TARBP1: variants seen among roughly 807,000 people sequenced by gnomAD.
TARBP1 encodes tRNA (guanosine(18)-2'-O)-methyltransferase TARBP1.
A neutral mutation model predicts 178.6 loss-of-function variants in TARBP1; 144 were observed. That is an observed-to-expected ratio of 0.81 (90% CI 0.70 to 0.93). The LOEUF (loss-of-function observed/expected upper bound fraction) is 0.93. Among genes scored for constraint, TARBP1 ranks in the 40% least tolerant of loss-of-function variants. The pLI, the probability that TARBP1 is intolerant of heterozygous loss-of-function variation, is 0.00. For missense variants in TARBP1, 2,067 were observed against 2,011.7 expected (o/e 1.03, Z -0.53); for synonymous variants, 787 against 781.0 (o/e 1.01, Z -0.13).
At position 234,451,766 on chromosome 1, in the gene TARBP1, A is replaced by AAAAAAC. The variant is rs57636903; in HGVS notation, c.1723-1201_1723-1200insGTTTTT. On this transcript the variant is annotated intron_variant, in intron 9 of 29. Transcript: ENST00000040877. Reference sequence around the variant, plus strand: ...TCCGTCTCAAAAAAAAAAAAAAAAAATGATGAATGACTGGATCATCGAAGT... The same window carrying AAAAAAC: ...TCCGTCTCAAAAAAAAAAAAAAAAAAAAAAACTGATGAATGACTGGATCATCGAAGT... Among the ~76,000 whole-genome samples the AAAAAAC allele has an allele frequency of 8.7e-4, 15 of 17,176 alleles. 6 individuals are homozygous for AAAAAAC. Among genetic ancestry groups the AAAAAAC allele is most frequent in the South Asian group, 0.013 (2 of 156 alleles). 11.3% of individuals were successfully genotyped at this position (17,176 alleles called of 152,430 possible).
In TARBP1 at chr1:234,467,488, C is replaced by A; in HGVS notation, c.1248+14G>T. On this transcript the variant is annotated intron_variant, in intron 4 of 29. Transcript: ENST00000040877. ...TCAACAATGGGAGCAAGGAAGGGGA[C>A]AGGGTGTCATTACCTCAGAAAATTC... 1.3e-6 allele frequency: 2 copies of A among 1,567,564 alleles called. No individual in the cohort carries two copies. The highest frequency in any genetic ancestry group is 1.2e-5 in the South Asian group (1 of 82,330).
intron 13 of TARBP1, among the ~76,000 whole-genome samples, chr1:234,435,818 G>A (rs1371939985): frequency 6.6e-6 from 1 of 152,124 alleles, no homozygotes; most frequent in South Asian, 2.1e-4. Context: ...CGCAAAGACC[G>A]AAGATCATAT....
intron 11 of TARBP1, among the ~76,000 whole-genome samples, chr1:234,447,474 G>A (rs1666313002): frequency 1.4e-5 from 2 of 141,106 alleles, no homozygotes; most frequent in Non-Finnish European, 3.0e-5. Flanking sequence ...AGCTCACTGT[G>A]GGCTCAACCT....
At chr1:234,426,985 A>AC (rs1663849823) in intron 19 of TARBP1, among the ~76,000 whole-genome samples, 1 of 152,224 alleles carries the variant, frequency 6.6e-6, no homozygotes, top group African/African-American at 2.4e-5. Context: ...CAAAAAAAGG[A>AC]CTGGAGAATA....
chr1:234,430,338 C>T (rs1350644608), intron 14 of TARBP1, 37 bp from the exon 15 acceptor site: 2 of 1,587,756 alleles, frequency 1.3e-6, no homozygotes, highest in Non-Finnish European at 1.7e-6. Flanking sequence ...ATTTAATATG[C>T]ACAAGTCTTA....
At chr1:234,402,181 C>T (rs1660739547) in intron 24 of TARBP1, among the ~76,000 whole-genome samples, 1 of 152,236 alleles carries the variant, frequency 6.6e-6, no homozygotes, top group African/African-American at 2.4e-5. Flanking sequence ...TATTAGGTAG[C>T]TGTTAAAAGA....
chr1:234,402,587 T>G (rs1015953591), intron 24 of TARBP1, among the ~76,000 whole-genome samples: 13 of 151,914 alleles, frequency 8.6e-5, no homozygotes, highest in Admixed American at 3.3e-4. Flanking sequence ...TTGTTTGTTT[T>G]TTTTTTGAGA....
rs1572180551 is a variant in TARBP1, at chr1:234,391,706, C to T, written c.4737G>A (p.Gln1579=). The T allele has an allele frequency of 2.5e-6, 4 of 1,613,604 alleles. No individual in the cohort carries two copies. In the African/African-American group the frequency reaches 5.3e-5, roughly 22 times the overall value. The change falls in exon 30 of 30, where the codon CAG becomes CAA. Residue 1579 remains glutamine, a synonymous_variant. Transcript: ENST00000040877. ...GAGGAATTTCCACACAAACGTCCAACTGTTGGATCAGATTTGCTGGAATTC... is the reference window on the plus strand; with the variant it reads ...GAGGAATTTCCACACAAACGTCCAATTGTTGGATCAGATTTGCTGGAATTC... ...REGIPANLIQ[Q]LDVCVEIPQQ...
chr1:234,444,283 T>C (rs115445830), intron 12 of TARBP1, among the ~76,000 whole-genome samples: 3,567 of 152,276 alleles, frequency 0.023, 56 homozygotes, highest in South Asian at 0.063. Flanking sequence ...AGAAGCAGTA[T>C]ACTGAAGGCT....
chr1:234,478,460 GC>G lies in TARBP1; in HGVS notation c.643del (p.Ala215ProfsTer12). 7.2e-7 allele frequency: 1 copy of G among 1,383,258 alleles called. No homozygotes were observed. Among genetic ancestry groups the G allele is most frequent in the Admixed American group, 2.8e-5 (1 of 35,656 alleles). The allele number at this position is 1,383,258 out of a possible 1,614,324, so 85.7% of individuals were successfully genotyped here. ...AALRAVWGGL[A>X]APGASLGSGR... is the part of the protein sequence containing the mutation. ...GGACCCCAGGGACGCCCCAGGCGCG[GC>G]CAGCCCGCCCCACACGGCCCGCAGC... On this transcript the variant is annotated frameshift_variant, in exon 1 of 30. Transcript: ENST00000040877. LOFTEE classifies it high-confidence loss of function.
chr1:234,446,888 C>T lies in TARBP1; in HGVS notation c.2049G>A (p.Met683Ile). Residue 683 changes from methionine to isoleucine, a missense_variant, in exon 12 of 30, where the codon ATG (methionine) becomes ATA (isoleucine). Met to Ile is a conservative substitution (Grantham distance 10, BLOSUM62 1). Coordinates refer to ENST00000040877, the MANE Select transcript of TARBP1 (RefSeq NM_005646.4). ...VLMKFSTNAY[M>I]PLLKTDRCLQ... ...GGCATCTGTCAGTCTTCAGCAAGGG[C>T]ATGTAGGCATTGGTACTAAACTTCA... The T allele has an allele frequency of 2.0e-5, 32 of 1,614,014 alleles. No individual in the cohort carries two copies. Among genetic ancestry groups the T allele is most frequent in the Non-Finnish European group, 2.7e-5 (32 of 1,179,980 alleles).
In TARBP1 at chr1:234,459,293, C is replaced by T; in HGVS notation, c.1569G>A (p.Gln523=). 6.2e-7 allele frequency: 1 copy of T among 1,613,430 alleles called. No individual in the cohort carries two copies. The highest frequency in any genetic ancestry group is 1.1e-5 in the South Asian group (1 of 90,900). ...DVIHCTMITH[Q]ILLRGAAQCY... The stretch of plus-strand genomic sequence containing the variant: ...ATTGGGCTGCCCCTCTCAGGAGAAT[C>T]TGATGTGTGATCATAGTGCAATGAA... Residue 523 remains glutamine (Q), a synonymous_variant, in exon 8 of 30, where the codon CAG becomes CAA. Transcript: ENST00000040877.
At chr1:234,411,024 C>T (rs1661756250) in intron 22 of TARBP1, among the ~76,000 whole-genome samples, 1 of 152,172 alleles carries the variant, frequency 6.6e-6, no homozygotes, top group East Asian at 1.9e-4. Flanking sequence ...TAGCTGAGAT[C>T]GTGCCACTGC....
At position 234,478,368 on chromosome 1, in the gene TARBP1, C is replaced by A; in HGVS notation, c.736G>T (p.Gly246Cys). ...TCGCGCGCGCCGCGGGCGCGGTCGCCGCCGGGCTCGGGCAACAGCTTCTCG... is the reference window on the plus strand; with the variant it reads ...TCGCGCGCGCCGCGGGCGCGGTCGCAGCCGGGCTCGGGCAACAGCTTCTCG... ...LAEKLLPEPG[G>C]DRARGAREAG... Residue 246 changes from glycine to cysteine, a missense_variant, in exon 1 of 30, where the codon GGC becomes TGC. Coordinates refer to ENST00000040877, the MANE Select transcript of TARBP1 (RefSeq NM_005646.4). 1.6e-6 allele frequency: 2 copies of A among 1,287,508 alleles called. No individual in the cohort carries two copies. Among genetic ancestry groups the A allele is most frequent in the Admixed American group, 3.8e-5 (1 of 26,552 alleles). The allele number at this position is 1,287,508 out of a possible 1,614,324, so 79.8% of individuals were successfully genotyped here.
chr1:234,405,936 CT>C lies in TARBP1; in HGVS notation c.3955del (p.Ser1319AlafsTer38), dbSNP rs751270163. On this transcript the variant is annotated frameshift_variant, in exon 24 of 30. Transcript: ENST00000040877. LOFTEE classifies it high-confidence loss of function. ...GTGCATGCTTTCCACTTGATGGAGG[CT>C]GGATTCAATCACAGGAGTCAGGGCA... Reference protein sequence around the residue: ...FDALTPVIESSLHQVESMHGA... With the variant: ...FDALTPVIESXLHQVESMHGA... 6.2e-7 allele frequency: 1 copy of C among 1,614,122 alleles called. No individual in the cohort carries two copies. The highest frequency in any genetic ancestry group is 1.7e-5 in the Admixed American group (1 of 60,028).
chr1:234,457,311 C>A (rs896603010), intron 9 of TARBP1, among the ~76,000 whole-genome samples: 39 of 152,124 alleles, frequency 2.6e-4, no homozygotes, highest in African/African-American at 9.2e-4. Context: ...GAGGAAGGGG[C>A]CATTCAATGA....
intron 1 of TARBP1, 40 bp downstream of exon 1, chr1:234,478,133 A>T: frequency 6.3e-7 from 1 of 1,581,878 alleles, no homozygotes; most frequent in Middle Eastern, 1.7e-4. Context: ...TGGGGCAGCC[A>T]AGTAGGTAGC....
At chr1:234,440,433 T>C (rs1172258930) in intron 12 of TARBP1, among the ~76,000 whole-genome samples, 5 of 146,880 alleles carry the variant, frequency 3.4e-5, no homozygotes, top group Non-Finnish European at 7.5e-5. Flanking sequence ...AATAAAATGA[T>C]AAACCACTAG....
chr1:234,465,710 T>TAAAAAAAAA lies in TARBP1; in HGVS notation c.1249-11_1249-3dup, dbSNP rs531256921. 11 of 1,271,434 alleles carry TAAAAAAAAA rather than the reference T, an allele frequency of 8.7e-6. No homozygotes were observed. In the Admixed American group the frequency reaches 1.1e-4, roughly 13 times the overall value. The allele number at this position is 1,271,434 out of a possible 1,614,324, so 78.8% of individuals were successfully genotyped here. A position where few individuals can be genotyped will look rare whatever the true frequency, so the allele number is the denominator to read the frequency against. On this transcript the variant is annotated splice_polypyrimidine_tract_variant and splice_region_variant and intron_variant, in intron 4 of 29. Transcript: ENST00000040877. ...ATCCATTAATGGTCCAATAATAAAC[T>TAAAAAAAAA]AAAAAAAAAAAAAAAAAAAGACACG... is the stretch of plus-strand genomic sequence containing the variant.
Sources: allele counts gnomAD v4.1 joint callset (sites outside exome capture counted in the v4.1 genomes callset), GRCh38; gene constraint gnomAD v4.1.1; transcripts MANE v1.5; gene names NCBI Gene and HGNC (gene_info 2026-07-23, HGNC 2026-07-21).